The following SMU1 variants were observed in gnomAD, a reference collection of about 807,000 sequenced individuals.
SMU1 encodes the protein WD40 repeat-containing protein SMU1.
In SMU1, 2 loss-of-function variants were observed where a neutral mutation model predicts 62.0. That is an observed-to-expected ratio of 0.03 (90% CI 0.01 to 0.10). The LOEUF is 0.10. SMU1 is among the 10% of genes least tolerant of loss of function. The pLI is 1.00. For missense variants in SMU1, 227 were observed against 622.1 expected, an observed-to-expected ratio of 0.36 and a Z score of 6.76; for synonymous variants, 188 against 212.4, an observed-to-expected ratio of 0.89 and a Z score of 1.00.
intron 6 of SMU1, 150 bp from the exon 7 acceptor site, chr9:33,057,864 T>C: frequency 1.3e-6 from 1 of 799,648 alleles, no homozygotes; most frequent in Non-Finnish European, 1.9e-6. Flanking sequence ...TCCTAGTAAG[T>C]AACTAGTTCC....
intron 3 of SMU1, among the ~76,000 whole-genome samples, chr9:33,069,981 C>T (rs1361075872): frequency 6.6e-6 from 1 of 152,036 alleles, no homozygotes; most frequent in Non-Finnish European, 1.5e-5. Context: ...CAAAAATTAG[C>T]TGAGTGTGGT....
rs1319261184 is a variant in SMU1, at chr9:33,045,367, A to C, written c.*1926T>G. 1 of 152,230 alleles carries C rather than the reference A, an allele frequency of 6.6e-6. No homozygotes were observed. The highest frequency in any genetic ancestry group is 2.4e-5 in the African/African-American group (1 of 41,448). The allele number at this position is 152,230 out of a possible 1,614,324, so 9.4% of individuals were successfully genotyped here. A position where few individuals can be genotyped will look rare whatever the true frequency, so the allele number is the denominator to read the frequency against. ...TCCCACGACCATTTTTAAATCATCA[A>C]AATGGCAGCAAATGTCATTACCTGG... On this transcript the variant is annotated 3_prime_UTR_variant, in exon 12 of 12. Transcript: ENST00000397149.
chr9:33,054,191 T>A (rs1208902242), intron 9 of SMU1, among the ~76,000 whole-genome samples: 2 of 151,492 alleles, frequency 1.3e-5, no homozygotes, highest in Non-Finnish European at 1.5e-5. Flanking sequence ...TTTTTTTTTT[T>A]AAAGAGATGA....
chr9:33,059,037 T>A (rs527649929), intron 6 of SMU1, among the ~76,000 whole-genome samples: 2 of 152,130 alleles, frequency 1.3e-5, no homozygotes, highest in Admixed American at 1.3e-4. Context: ...GCTTTTCACA[T>A]AGAAAAAGAT....
At chr9:33,068,776 A>T (rs1839454470) in intron 4 of SMU1, 48 bp downstream of exon 4, 1 of 1,602,934 alleles carries the variant, frequency 6.2e-7, no homozygotes, top group Non-Finnish European at 8.5e-7. Context: ...AAGTGCAAGG[A>T]TGACAGGTGT....
intron 5 of SMU1, among the ~76,000 whole-genome samples, chr9:33,061,009 G>A (rs781045528): frequency 1.3e-5 from 2 of 152,148 alleles, no homozygotes; most frequent in Non-Finnish European, 2.9e-5. Context: ...CTAAATGTAT[G>A]TTTCCCTATA....
At chr9:33,075,001 G>A (rs1270565811) in intron 1 of SMU1, among the ~76,000 whole-genome samples, 1 of 152,092 alleles carries the variant, frequency 6.6e-6, no homozygotes, top group African/African-American at 2.4e-5. Flanking sequence ...TCAAACTTCT[G>A]GGCTCAAGTG....
intron 4 of SMU1, among the ~76,000 whole-genome samples, chr9:33,067,744 C>A (rs1025811098): frequency 1.8e-4 from 27 of 152,002 alleles, no homozygotes; most frequent in African/African-American, 6.5e-4. Context: ...GGTGATCCAC[C>A]CACCTTGGCC....
At chr9:33,057,242 A>G (rs1326080468) in intron 7 of SMU1, among the ~76,000 whole-genome samples, 2 of 152,204 alleles carry the variant, frequency 1.3e-5, no homozygotes, top group East Asian at 3.8e-4. Flanking sequence ...CCCAGGATGT[A>G]TTTCTAGCAT....
intron 4 of SMU1, among the ~76,000 whole-genome samples, chr9:33,066,742 G>A (rs562425792): frequency 2.5e-4 from 38 of 151,914 alleles, no homozygotes; most frequent in African/African-American, 8.9e-4. Flanking sequence ...GAAGGCGGAG[G>A]TTGCAGTGAG....
intron 10 of SMU1, among the ~76,000 whole-genome samples, chr9:33,051,966 G>A (rs945884046): frequency 3.4e-5 from 5 of 148,466 alleles, no homozygotes; most frequent in African/African-American, 1.0e-4. Context: ...ACAGTGAGCC[G>A]AGATCACGCC....
intron 4 of SMU1, among the ~76,000 whole-genome samples, chr9:33,065,040 G>A (rs747981157): frequency 1.3e-5 from 2 of 152,114 alleles, no homozygotes; most frequent in Non-Finnish European, 2.9e-5. Context: ...ACCACACCCG[G>A]CCACATTTTA....
chr9:33,060,390 T>G (rs1587709483), intron 6 of SMU1, 75 bp downstream of exon 6: 1 of 1,283,216 alleles, frequency 7.8e-7, no homozygotes, highest in East Asian at 2.3e-5. Context: ...CTAATCTGAT[T>G]TAGAGGCCAT....
rs1323013005 is a variant in SMU1 at position 33,042,342 on chromosome 9, GAGCCTATGAAAAAACAA to G, written c.*4934_*4950del. 6.6e-6 allele frequency: 1 copy of G among 152,652 alleles called. No homozygotes were observed. The highest frequency in any genetic ancestry group is 1.5e-5 in the Non-Finnish European group (1 of 68,030). 9.5% of individuals were successfully genotyped at this position (152,652 alleles called of 1,614,324 possible). A position where few individuals can be genotyped will look rare whatever the true frequency, so the allele number is the denominator to read the frequency against. ...ATTCTCAGAACAATGTAATGAGGGA[GAGCCTATGAAAAAACAA>G]AGCCTATGAAACAGAGCCTATGAAA... On this transcript the variant is annotated 3_prime_UTR_variant, in exon 12 of 12. Coordinates refer to ENST00000397149, the MANE Select transcript of SMU1 (RefSeq NM_018225.3).
chr9:33,047,332 G>A lies in SMU1; in HGVS notation c.1503C>T (p.Thr501=). The A allele has an allele frequency of 6.2e-7, 1 of 1,613,210 alleles. No individual in the cohort carries two copies. The highest frequency in any genetic ancestry group is 2.2e-5 in the East Asian group (1 of 44,876). Residue 501 remains threonine, a synonymous_variant, in exon 12 of 12, where the codon ACC becomes ACT. Transcript: ENST00000397149. The part of the protein sequence containing the change: ...AHHPHQNLIA[T]YSEDGLLKLW... ...GCTTTAGGAGTCCATCTTCACTGTA[G>A]GTAGCAATCAGGTTCTGATGAGGGT...
intron 1 of SMU1, among the ~76,000 whole-genome samples, chr9:33,075,333 C>T (rs12555374): frequency 0.19 from 29,347 of 151,684 alleles, 3,087 homozygotes; most frequent in Middle Eastern, 0.28. Context: ...GCGGAGATCG[C>T]GCCACTGCAT....
chr9:33,061,495 A>C (rs571031873), intron 5 of SMU1, among the ~76,000 whole-genome samples: 4 of 152,204 alleles, frequency 2.6e-5, no homozygotes, highest in Non-Finnish European at 4.4e-5. Context: ...TGTAATATAG[A>C]GATGCTAAAG....
At chr9:33,069,739 T>G (rs1317627530) in intron 3 of SMU1, among the ~76,000 whole-genome samples, 2 of 151,684 alleles carry the variant, frequency 1.3e-5, no homozygotes, top group African/African-American at 4.8e-5. Context: ...GAGGTGGAGG[T>G]TGCAGTGAGC....
At chr9:33,053,043 G>C (rs981186886) in intron 10 of SMU1, 80 bp downstream of exon 10, 67 of 1,344,538 alleles carry the variant, frequency 5.0e-5, no homozygotes, top group Non-Finnish European at 6.9e-5. Flanking sequence ...TTGGTTATTG[G>C]GAGGGTGGGC....
Sources: allele counts gnomAD v4.1 joint callset (sites outside exome capture counted in the v4.1 genomes callset), GRCh38; gene constraint gnomAD v4.1.1; transcripts MANE v1.5; gene names NCBI Gene and HGNC (gene_info 2026-07-23, HGNC 2026-07-21).